The following LMBR1 variants were observed in gnomAD, a reference collection of about 807,000 sequenced individuals.
LMBR1 encodes limb development membrane protein 1.
A neutral mutation model predicts 73.9 loss-of-function variants in LMBR1; 52 were observed. That is an observed-to-expected ratio of 0.70 (90% CI 0.56 to 0.89). The LOEUF is 0.89. Among genes scored for constraint, LMBR1 ranks in the 40% least tolerant of loss-of-function variants. The pLI, the probability that LMBR1 is intolerant of heterozygous loss-of-function variation, is 0.00. For missense variants in LMBR1, 539 were observed against 579.8 expected (o/e 0.93, Z 0.72); for synonymous variants, 215 against 209.4 (o/e 1.03, Z -0.23).
downstream of LMBR1, among the ~76,000 whole-genome samples, chr7:156,673,388 C>CA (rs1803031154): frequency 6.6e-6 from 1 of 152,144 alleles, no homozygotes; most frequent in South Asian, 2.1e-4. Flanking sequence ...AACTCTTCTA[C>CA]TTTCAATAAT....
At chr7:156,675,685 C>G (rs202182456), downstream of LMBR1, 1,629 of 1,605,940 alleles carry the variant, frequency 1.0e-3, 16 homozygotes, top group African/African-American at 0.017. Context: ...CCGCCCCCGC[C>G]TCCTCCTCAG....
At chr7:156,723,402 C>T (rs1033293349) in intron 15 of LMBR1, among the ~76,000 whole-genome samples, 30 of 152,022 alleles carry the variant, frequency 2.0e-4, no homozygotes, top group African/African-American at 7.0e-4. Flanking sequence ...AAACCTAAGT[C>T]TAGAGAATTA....
At chr7:156,824,093 AAACAAC>A (rs71522057) in intron 4 of LMBR1, among the ~76,000 whole-genome samples, 20,261 of 150,118 alleles carry the variant, frequency 0.13, 1,444 homozygotes, top group Non-Finnish European at 0.16. Flanking sequence ...CCATCTCAAA[AAACAAC>A]AACAACAACA....
At chr7:156,880,840 A>G (rs904087484) in intron 1 of LMBR1, among the ~76,000 whole-genome samples, 9 of 152,132 alleles carry the variant, frequency 5.9e-5, no homozygotes, top group African/African-American at 2.2e-4. Flanking sequence ...TTTAGTAGAG[A>G]CAAGGTTTCA....
At chr7:156,874,339 G>C (rs1038908587) in intron 1 of LMBR1, among the ~76,000 whole-genome samples, 8 of 152,254 alleles carry the variant, frequency 5.3e-5, no homozygotes, top group East Asian at 3.8e-4. Flanking sequence ...AACTCCAGCT[G>C]GCCCGCAAGC....
chr7:156,847,615 G>A (rs1795669470), intron 1 of LMBR1, among the ~76,000 whole-genome samples: 1 of 152,100 alleles, frequency 6.6e-6, no homozygotes, highest in Non-Finnish European at 1.5e-5. Context: ...CAGTCCTATT[G>A]AAAAATGGCC....
intron 5 of LMBR1, among the ~76,000 whole-genome samples, chr7:156,764,922 G>A: frequency 6.6e-6 from 1 of 152,118 alleles, no homozygotes; most frequent in Non-Finnish European, 1.5e-5. Flanking sequence ...CAATATCGCA[G>A]ACTTACCACA....
In LMBR1 at chr7:156,870,023, A is replaced by G. The variant is rs140796957; in HGVS notation, c.66+22905T>C. On this transcript the variant is annotated intron_variant, in intron 1 of 16. Coordinates refer to ENST00000353442, the MANE Select transcript of LMBR1 (RefSeq NM_022458.4). ...AATCCACCAGGGAGATATGACAATT[A>G]TAAGTATACATGCAACCAACATCAG... Among the ~76,000 whole-genome samples, 1,018 of 152,346 alleles carry G rather than the reference A, an allele frequency of 6.7e-3. 12 individuals are homozygous for G. The highest frequency in any genetic ancestry group is 0.023 in the African/African-American group (948 of 41,582).
At chr7:156,710,005 C>T (rs567463684) in intron 15 of LMBR1, among the ~76,000 whole-genome samples, 31 of 148,754 alleles carry the variant, frequency 2.1e-4, no homozygotes, top group Non-Finnish European at 3.3e-4. Flanking sequence ...CCCGGGTTCA[C>T]GCCATTCTCC....
rs71838136 is a variant in LMBR1, at chr7:156,681,085, TA to T, written c.*2992del. 5.9e-3 allele frequency: 2,188 copies of T among 373,742 alleles called. 3 individuals are homozygous for T. The highest frequency in any genetic ancestry group is 0.019 in the East Asian group (228 of 11,764). 23.2% of individuals were successfully genotyped at this position (373,742 alleles called of 1,614,324 possible). A position where few individuals can be genotyped will look rare whatever the true frequency, so the allele number is the denominator to read the frequency against. ...GTCGGTGCTGCATCTATGTTCACAT[TA>T]AAAAAAAAAACTTGTAAGAATTCTG... On this transcript the variant is annotated 3_prime_UTR_variant, in exon 17 of 17. Transcript: ENST00000353442.
intron 5 of LMBR1, among the ~76,000 whole-genome samples, chr7:156,783,625 A>T (rs1563349761): frequency 6.6e-6 from 1 of 152,106 alleles, no homozygotes; most frequent in Non-Finnish European, 1.5e-5. Flanking sequence ...TGATTTTTTT[A>T]AATATATTAA....
intron 5 of LMBR1, among the ~76,000 whole-genome samples, chr7:156,770,366 G>A (rs188335701): frequency 1.9e-3 from 291 of 151,978 alleles, no homozygotes; most frequent in Non-Finnish European, 3.3e-3. Flanking sequence ...ATTAACAACA[G>A]AGAATAAGTC....
chr7:156,763,696 C>T lies in LMBR1; in HGVS notation c.523G>A (p.Asp175Asn), dbSNP rs1027367161. The T allele has an allele frequency of 1.1e-5, 18 of 1,593,056 alleles. No homozygotes were observed. Among genetic ancestry groups the T allele is most frequent in the African/African-American group, 1.4e-5 (1 of 73,504 alleles). Residue 175 changes from aspartate to asparagine, a missense_variant, in exon 6 of 17, where the codon GAT (aspartate) becomes AAT (asparagine). Transcript: ENST00000353442. The part of the protein sequence containing the change: ...VWVASALIDN[D>N]AASMESLYDL... ...TATAAAGATTCCATGCTTGCGGCAT[C>T]GTTGTCAATGAGTGCTGAAGCTACC...
At position 156,738,208 on chromosome 7, in the gene LMBR1, G is replaced by A. The variant is rs953108864; in HGVS notation, c.758-3951C>T. On this transcript the variant is annotated intron_variant, in intron 9 of 16. Transcript: ENST00000353442. Reference sequence around the variant, plus strand: ...CACAACAAATGGGGGACATAGAATTGCACCAATGCTGCCCTGTCACAGCAG... The same window carrying A: ...CACAACAAATGGGGGACATAGAATTACACCAATGCTGCCCTGTCACAGCAG... Among the ~76,000 whole-genome samples, 90 of 152,216 alleles carry A rather than the reference G, an allele frequency of 5.9e-4. 1 individual carries two copies. In the Middle Eastern group the frequency reaches 0.017, roughly 29 times the overall value.
At chr7:156,676,486 G>A (rs896744276), downstream of LMBR1, 8 of 1,614,006 alleles carry the variant, frequency 5.0e-6, no homozygotes, top group South Asian at 3.3e-5. Context: ...GGCGGTCAGC[G>A]CGTGGGTGCA....
downstream of LMBR1, chr7:156,675,877 G>A (rs1458362611): frequency 4.4e-6 from 7 of 1,608,280 alleles, no homozygotes; most frequent in Admixed American, 1.0e-4. Context: ...GGTTTGGCTG[G>A]CAGCCTGGCA....
chr7:156,828,229 T>C (rs1000138807), intron 3 of LMBR1, among the ~76,000 whole-genome samples: 19 of 152,154 alleles, frequency 1.2e-4, no homozygotes, highest in Non-Finnish European at 2.4e-4. Flanking sequence ...AACCCCCTCA[T>C]AGCCCAAACA....
At chr7:156,703,016 G>A (rs1373766866) in intron 15 of LMBR1, among the ~76,000 whole-genome samples, 1 of 152,222 alleles carries the variant, frequency 6.6e-6, no homozygotes, top group Non-Finnish European at 1.5e-5. Context: ...GTAAGTGAGT[G>A]TCCTTCTGGG....
intron 5 of LMBR1, among the ~76,000 whole-genome samples, chr7:156,787,876 G>A (rs528354537): frequency 2.1e-4 from 32 of 152,174 alleles, no homozygotes; most frequent in Admixed American, 1.6e-3. Flanking sequence ...TCCCAGGTTC[G>A]AGCGATTCTC....
Sources: allele counts gnomAD v4.1 joint callset (sites outside exome capture counted in the v4.1 genomes callset), GRCh38; gene constraint gnomAD v4.1.1; transcripts MANE v1.5; gene names NCBI Gene and HGNC (gene_info 2026-07-23, HGNC 2026-07-21).